The following BPGM variants were observed in gnomAD, a reference collection of about 807,000 sequenced individuals.
BPGM encodes 2,3-bisphosphoglycerate mutase, erythrocyte.
In BPGM, 15 loss-of-function variants were observed where a neutral mutation model predicts 21.6. The observed-to-expected ratio is 0.70, with a 90% CI of 0.47 to 1.07. The LOEUF is 1.07. Ranked by LOEUF, BPGM falls within the 50% of genes least tolerant of loss-of-function variation. BPGM has a pLI of 0.00. For synonymous variants in BPGM, 113 were observed against 116.2 expected (o/e 0.97, Z 0.18); for missense variants, 273 against 319.0 (o/e 0.86, Z 1.10).
chr7:134,654,267 C>A (rs546508362), intron 1 of BPGM, among the ~76,000 whole-genome samples: 25 of 152,288 alleles, frequency 1.6e-4, no homozygotes, highest in Non-Finnish European at 3.4e-4. Context: ...CAGGCTAGGG[C>A]GACTGAGTAT....
intron 1 of BPGM, among the ~76,000 whole-genome samples, chr7:134,659,190 T>C (rs1460733432): frequency 6.6e-6 from 1 of 152,158 alleles, no homozygotes; most frequent in Non-Finnish European, 1.5e-5. Flanking sequence ...GTTGATAGCT[T>C]CTTTTTTCTC....
In BPGM at chr7:134,646,916, GC is replaced by G; in HGVS notation, c.-82del. 1 of 190,518 alleles carries G rather than the reference GC, an allele frequency of 5.2e-6. No individual in the cohort carries two copies. The highest frequency in any genetic ancestry group is 1.1e-5 in the Non-Finnish European group (1 of 88,436). 11.8% of individuals were successfully genotyped at this position (190,518 alleles called of 1,614,324 possible). ...AGGAGCGGCTGCTGCTGCTGCTGCT[GC>G]TGCTGGTGGCCCCTTTGCAGGTGAG... On this transcript the variant is annotated 5_prime_UTR_variant, in exon 1 of 3. An upstream open reading frame in the 5' UTR loses its in-frame stop. Transcript: ENST00000344924.
rs1339425456 is a variant in BPGM, at chr7:134,657,530, G to T, written c.-61-3917G>T. ...ATATAGCAAGACTTTCAACATTGAA[G>T]CTCCCCAACTCCCTAGGATGGTGGG... On this transcript the variant is annotated intron_variant, in intron 1 of 2. Coordinates refer to ENST00000344924, the MANE Select transcript of BPGM (RefSeq NM_001724.5). Among the ~76,000 whole-genome samples the T allele has an allele frequency of 2.0e-5, 3 of 152,148 alleles. No individual in the cohort carries two copies. In the East Asian group the frequency reaches 5.8e-4, roughly 29 times the overall value.
At chr7:134,648,641 G>A (rs1333715220) in intron 1 of BPGM, among the ~76,000 whole-genome samples, 1 of 151,892 alleles carries the variant, frequency 6.6e-6, no homozygotes, top group African/African-American at 2.4e-5. Flanking sequence ...GTTACTATTT[G>A]TGTGATCTTA....
chr7:134,649,243 G>C (rs977891383), intron 1 of BPGM, among the ~76,000 whole-genome samples: 1 of 149,456 alleles, frequency 6.7e-6, no homozygotes, highest in African/African-American at 2.5e-5. Flanking sequence ...TCCTATTTTT[G>C]TCCCCATTAC....
At chr7:134,678,827 T>A (rs781472530) in intron 2 of BPGM, 26 bp from the exon 3 acceptor site, 1 of 1,604,556 alleles carries the variant, frequency 6.2e-7, no homozygotes, top group Non-Finnish European at 8.5e-7. Flanking sequence ...TTTTAACACC[T>A]GGTCTCTTCC....
chr7:134,655,840 G>C (rs965352318), intron 1 of BPGM, among the ~76,000 whole-genome samples: 21 of 152,192 alleles, frequency 1.4e-4, no homozygotes, highest in African/African-American at 5.1e-4. Context: ...CGATGTGCTA[G>C]GTTCTAGAGA....
At chr7:134,669,010 A>C (rs540853874) in intron 2 of BPGM, among the ~76,000 whole-genome samples, 40 of 152,342 alleles carry the variant, frequency 2.6e-4, no homozygotes, top group Admixed American at 9.8e-4. Context: ...CAAAACTCAT[A>C]GAACTGTATG....
intron 2 of BPGM, among the ~76,000 whole-genome samples, chr7:134,671,014 C>G (rs1384113453): frequency 2.0e-5 from 3 of 152,114 alleles, no homozygotes; most frequent in African/African-American, 4.8e-5. Context: ...ATGTAAACAG[C>G]TTTTTGTTCA....
At position 134,661,915 on chromosome 7, in the gene BPGM, C is replaced by A; in HGVS notation, c.408C>A (p.Ile136=). The A allele has an allele frequency of 6.2e-7, 1 of 1,612,488 alleles. No individual in the cohort carries two copies. The highest frequency in any genetic ancestry group is 1.7e-5 in the Admixed American group (1 of 59,948). ...IEESHPYYQE[I]YNDRRYKVCD... ...AGTCTCATCCTTACTACCAAGAAAT[C>A]TACAACGACCGGAGGTATAAAGTAT... is the stretch of plus-strand genomic sequence containing the variant. The change falls in exon 2 of 3, where the codon ATC becomes ATA. Residue 136 remains isoleucine, a synonymous_variant. Coordinates refer to ENST00000344924, the MANE Select transcript of BPGM (RefSeq NM_001724.5). The surrounding 1 kb of genome is among the most constrained non-coding windows in gnomAD (Gnocchi z 4.6).
rs759073132 is a variant in BPGM at position 134,661,657 on chromosome 7, T to G, written c.150T>G (p.Phe50Leu). ...GGAAGCAACTCAAAGCGTTAAACTT[T>G]GAGTTTGATCTTGTATTCACATCTG... ...NCGKQLKALNFEFDLVFTSVL... is the reference protein window; with the variant it reads ...NCGKQLKALNLEFDLVFTSVL... The change falls in exon 2 of 3, where the codon TTT (phenylalanine) becomes TTG (leucine). Residue 50 changes from phenylalanine to leucine, a missense_variant. Coordinates refer to ENST00000344924, the MANE Select transcript of BPGM (RefSeq NM_001724.5). This position sits in a 1 kb window ranked among gnomAD's most constrained non-coding sequence, Gnocchi z 4.6. 6.2e-7 allele frequency: 1 copy of G among 1,614,130 alleles called. No homozygotes were observed. Among genetic ancestry groups the G allele is most frequent in the Non-Finnish European group, 8.5e-7 (1 of 1,179,990 alleles).
chr7:134,662,430 A>C (rs1336349384), intron 2 of BPGM, among the ~76,000 whole-genome samples: 1 of 152,186 alleles, frequency 6.6e-6, no homozygotes, highest in African/African-American at 2.4e-5. Context: ...ATTTCTTAGA[A>C]GTTTTAGGTG....
intron 1 of BPGM, among the ~76,000 whole-genome samples, chr7:134,656,558 CAT>C (rs1479712933): frequency 2.6e-5 from 4 of 152,168 alleles, no homozygotes; most frequent in African/African-American, 7.2e-5. Flanking sequence ...GGGAAGCAAA[CAT>C]GTCCTTCTTC....
chr7:134,656,253 C>T (rs541761022), intron 1 of BPGM, among the ~76,000 whole-genome samples: 13 of 152,228 alleles, frequency 8.5e-5, no homozygotes, highest in African/African-American at 2.2e-4. Flanking sequence ...TGATCTAGTG[C>T]GGTAGCCACT....
intron 2 of BPGM, 103 bp from the exon 3 acceptor site, chr7:134,678,750 C>G: frequency 3.4e-6 from 4 of 1,160,084 alleles, no homozygotes; most frequent in Non-Finnish European, 5.2e-6. Flanking sequence ...CTGCATGTTT[C>G]AGGCACACAG....
At position 134,661,968 on chromosome 7, in the gene BPGM, G is replaced by A. The variant is rs1206399907; in HGVS notation, c.461G>A (p.Arg154Gln). Reference protein sequence around the residue: ...VCDVPLDQLPRSESLKDVLER... With the variant: ...VCDVPLDQLPQSESLKDVLER... ...GATGTGCCCTTGGATCAACTGCCACGGTCGGAAAGCTTAAAGGATGTTCTG... is the reference window on the plus strand; with the variant it reads ...GATGTGCCCTTGGATCAACTGCCACAGTCGGAAAGCTTAAAGGATGTTCTG... Residue 154 changes from arginine (R) to glutamine (Q), a missense_variant, in exon 2 of 3, where the codon CGG (arginine) becomes CAG (glutamine). Transcript: ENST00000344924. This position sits in a 1 kb window ranked among gnomAD's most constrained non-coding sequence, Gnocchi z 4.6. The A allele has an allele frequency of 4.3e-6, 7 of 1,613,970 alleles. No homozygotes were observed. The highest frequency in any genetic ancestry group is 3.3e-5 in the South Asian group (3 of 91,078).
At chr7:134,673,613 G>A (rs1795940712) in intron 2 of BPGM, among the ~76,000 whole-genome samples, 1 of 152,152 alleles carries the variant, frequency 6.6e-6, no homozygotes, top group South Asian at 2.1e-4. Context: ...CATCATAATC[G>A]CAGTGTGTTA....
At chr7:134,667,279 T>C (rs1795834966) in intron 2 of BPGM, among the ~76,000 whole-genome samples, 2 of 152,250 alleles carry the variant, frequency 1.3e-5, no homozygotes, top group African/African-American at 2.4e-5. Context: ...CAATTTATGC[T>C]TACTATCAAG....
intron 2 of BPGM, among the ~76,000 whole-genome samples, chr7:134,677,008 T>C (rs188803122): frequency 5.4e-4 from 83 of 152,354 alleles, no homozygotes; most frequent in African/African-American, 1.9e-3. Context: ...AGTAGATTTG[T>C]TCTCAGCAGC....
Sources: gnomAD v4.1 joint callset for allele counts (sites outside exome capture counted in the v4.1 genomes callset) on GRCh38, gnomAD v4.1.1 for gene constraint, Gnocchi (gnomAD v3.1) non-coding constraint, MANE v1.5 for transcripts, NCBI Gene and HGNC (gene_info 2026-07-23, HGNC 2026-07-21) for gene names.